Variants in CDK13 observed in about 807,000 individuals in gnomAD.
CDK13 encodes cyclin dependent kinase 13, also known as cyclin-dependent kinase 13.
In CDK13, 40 loss-of-function variants were observed where a neutral mutation model predicts 137.6. The observed-to-expected ratio is 0.29, with a 90% CI of 0.23 to 0.38. The LOEUF (loss-of-function observed/expected upper bound fraction) is 0.38, where lower values mean the gene tolerates loss of function less well. Ranked by LOEUF, CDK13 falls within the 10% of genes least tolerant of loss-of-function variation. The pLI, the probability that CDK13 is intolerant of heterozygous loss-of-function variation, is 1.00. For missense variants in CDK13, 1,704 were observed against 1,951.8 expected (o/e 0.87, Z 2.39); for synonymous variants, 869 against 760.1 (o/e 1.14, Z -2.36).
chr7:39,998,632 A>T (rs1193224478), intron 3 of CDK13: 2 of 151,946 alleles, frequency 1.3e-5, no homozygotes, highest in Non-Finnish European at 2.9e-5. Context: ...AAAAAATAAG[A>T]TAAAATAAAA....
intron 2 of CDK13, among the ~76,000 whole-genome samples, chr7:39,992,070 T>TACACACACACACAC (rs148046155): frequency 6.8e-6 from 1 of 146,982 alleles, no homozygotes; most frequent in Non-Finnish European, 1.5e-5. Context: ...GAAAAAATTA[T>TACACACACACACAC]ACACACACAC....
At chr7:40,006,636 G>T (rs911302193) in intron 5 of CDK13, among the ~76,000 whole-genome samples, 1 of 152,110 alleles carries the variant, frequency 6.6e-6, no homozygotes, top group Non-Finnish European at 1.5e-5. Flanking sequence ...CAAGAGGCCA[G>T]CTGGGTGTGG....
In CDK13 at chr7:39,988,105, C is replaced by T. The variant is rs774684486; in HGVS notation, c.1718C>T (p.Thr573Ile). The change falls in exon 2 of 14, where the codon ACA (threonine) becomes ATA (isoleucine). Residue 573 changes from threonine (T) to isoleucine (I), a missense_variant. Physicochemically the swap from Thr to Ile is moderately conservative, Grantham distance 89 (BLOSUM62 -1). Transcript: ENST00000181839. ...IVGKESKSAATKEESVSLKEK... is the reference protein window; with the variant it reads ...IVGKESKSAAIKEESVSLKEK... ...GGAAAGGAGAGTAAATCTGCTGCTA[C>T]AAAGGAGGAATCAGTATCTCTTAAA... is the stretch of plus-strand genomic sequence containing the variant. 4 of 1,613,810 alleles carry T rather than the reference C, an allele frequency of 2.5e-6. No homozygotes were observed. Among genetic ancestry groups the T allele is most frequent in the Non-Finnish European group, 3.4e-6 (4 of 1,179,984 alleles).
intron 9 of CDK13, chr7:40,073,166 T>G (rs1786460203): frequency 6.6e-6 from 1 of 152,202 alleles, no homozygotes; most frequent in African/African-American, 2.4e-5. Context: ...TCATTATCAT[T>G]TTAACATTGT....
intron 1 of CDK13, among the ~76,000 whole-genome samples, chr7:39,963,362 G>C (rs1372472916): frequency 6.6e-6 from 1 of 152,088 alleles, no homozygotes; most frequent in Non-Finnish European, 1.5e-5. Flanking sequence ...TTGGATTCCT[G>C]GGTATTTTAC....
chr7:39,966,868 G>A (rs1783883589), intron 1 of CDK13, among the ~76,000 whole-genome samples: 1 of 152,148 alleles, frequency 6.6e-6, no homozygotes, highest in Non-Finnish European at 1.5e-5. Context: ...GGAGTTTGCT[G>A]GAGGTCCACT....
intron 6 of CDK13, among the ~76,000 whole-genome samples, chr7:40,047,035 A>AAAAAAC (rs398004493): frequency 6.6e-6 from 1 of 150,720 alleles, no homozygotes; most frequent in Non-Finnish European, 1.5e-5. Context: ...AAAAAAAAAA[A>AAAAAAC]TCTAATAATA....
intron 5 of CDK13, among the ~76,000 whole-genome samples, chr7:40,019,305 A>G (rs1259007332): frequency 6.6e-6 from 1 of 152,238 alleles, no homozygotes; most frequent in African/African-American, 2.4e-5. Flanking sequence ...AAGCTGTAAA[A>G]GAAAATTTTC....
Position 39,951,448 on chromosome 7 carries a change from C to G in CDK13, c.807C>G (p.Ser269Arg). ...CTTCGGCCACATCCAGCAGCAGTAGCAGCCGCAAGGACCGGGACTCGAAGG... is the reference window on the plus strand; with the variant it reads ...CTTCGGCCACATCCAGCAGCAGTAGGAGCCGCAAGGACCGGGACTCGAAGG... Reference protein sequence around the residue: ...KSASATSSSSSSRKDRDSKAH... With the variant: ...KSASATSSSSRSRKDRDSKAH... The change falls in exon 1 of 14, where the codon AGC becomes AGG. Residue 269 changes from serine to arginine, a missense_variant. Ser to Arg is a moderately radical substitution (Grantham distance 110). Transcript: ENST00000181839. 2.0e-6 allele frequency: 3 copies of G among 1,537,764 alleles called. No individual in the cohort carries two copies. The highest frequency in any genetic ancestry group is 1.2e-5 in the South Asian group (1 of 83,178).
intron 1 of CDK13, among the ~76,000 whole-genome samples, chr7:39,976,358 C>CACACACACACACACACACACACAG (rs1368250288): frequency 3.4e-5 from 5 of 147,200 alleles, no homozygotes. Flanking sequence ...CACACACACA[C>CACACACACACACACACACACACAG]AGAAACAAAT....
At chr7:40,035,070 G>C (rs532563627) in intron 5 of CDK13, among the ~76,000 whole-genome samples, 1 of 152,150 alleles carries the variant, frequency 6.6e-6, no homozygotes, top group South Asian at 2.1e-4. Context: ...TGTTCACACA[G>C]ATAAACTCTT....
intron 2 of CDK13, among the ~76,000 whole-genome samples, chr7:39,995,698 A>C (rs1562718679): frequency 6.6e-6 from 1 of 152,188 alleles, no homozygotes; most frequent in Non-Finnish European, 1.5e-5. Flanking sequence ...TGGGCTGTGT[A>C]ATATATTACT....
intron 1 of CDK13, among the ~76,000 whole-genome samples, chr7:39,969,212 C>G (rs1783941589): frequency 6.6e-6 from 1 of 152,086 alleles, no homozygotes; most frequent in Non-Finnish European, 1.5e-5. Flanking sequence ...AGGGTTTCAC[C>G]ATGTTGGCCA....
intron 5 of CDK13, among the ~76,000 whole-genome samples, chr7:40,003,145 T>TC (rs1328384039): frequency 2.5e-5 from 3 of 119,300 alleles, no homozygotes; most frequent in African/African-American, 1.0e-4. Context: ...ACTCCTGTCT[T>TC]CCCCAGCTAC....
chr7:39,967,520 A>G (rs1395462848), intron 1 of CDK13, among the ~76,000 whole-genome samples: 1 of 152,190 alleles, frequency 6.6e-6, no homozygotes. Context: ...GGTTGCTTCC[A>G]TATCTGAGCT....
At chr7:40,060,285 A>G (rs550185149) in intron 7 of CDK13, among the ~76,000 whole-genome samples, 46 of 152,310 alleles carry the variant, frequency 3.0e-4, no homozygotes, top group Middle Eastern at 3.4e-3. Context: ...ACAAGACACT[A>G]AAAATATTTT....
chr7:39,971,130 CT>C (rs1390671282), intron 1 of CDK13, among the ~76,000 whole-genome samples: 1 of 152,170 alleles, frequency 6.6e-6, no homozygotes, highest in African/African-American at 2.4e-5. Context: ...AGTCCTGTGA[CT>C]TTTTAAATAT....
chr7:39,971,155 G>A (rs959396422), intron 1 of CDK13, among the ~76,000 whole-genome samples: 1 of 152,192 alleles, frequency 6.6e-6, no homozygotes, highest in South Asian at 2.1e-4. Context: ...TGGTTCTTAA[G>A]CACCTAGTAC....
At chr7:40,079,317 G>GCCT (rs1430416596) in intron 11 of CDK13, among the ~76,000 whole-genome samples, 1 of 152,110 alleles carries the variant, frequency 6.6e-6, no homozygotes, top group African/African-American at 2.4e-5. Context: ...TACTTGGGAG[G>GCCT]CTGAGGCAGG....
Sources: allele counts gnomAD v4.1 joint callset (sites outside exome capture counted in the v4.1 genomes callset), GRCh38; gene constraint gnomAD v4.1.1; transcripts MANE v1.5; gene names NCBI Gene and HGNC (gene_info 2026-07-23, HGNC 2026-07-21).